Variants in TAOK3 observed in about 807,000 individuals in gnomAD.
TAOK3 encodes the protein serine/threonine-protein kinase TAO3.
In TAOK3, 40 loss-of-function variants were observed where a neutral mutation model predicts 120.4. The ratio of observed to expected loss-of-function variants is 0.33; its 90% confidence interval spans 0.26 to 0.43. The LOEUF (loss-of-function observed/expected upper bound fraction) is 0.43. TAOK3 is among the 20% of genes least tolerant of loss of function. The pLI is 1.00. For synonymous variants in TAOK3, 355 were observed against 387.5 expected (o/e 0.92, Z 0.99); for missense variants, 821 against 1,112.1 (o/e 0.74, Z 3.72).
chr12:118,269,908 C>G (rs971453091), intron 1 of TAOK3, among the ~76,000 whole-genome samples: 3 of 152,238 alleles, frequency 2.0e-5, no homozygotes, highest in Non-Finnish European at 4.4e-5. Context: ...CATTTTACTA[C>G]CCCCACTTCC....
At chr12:118,216,659 T>C (rs2038917083) in intron 9 of TAOK3, among the ~76,000 whole-genome samples, 1 of 152,148 alleles carries the variant, frequency 6.6e-6, no homozygotes, top group South Asian at 2.1e-4. Context: ...CCAGGCACGG[T>C]GGCTCACGCC....
intron 11 of TAOK3, among the ~76,000 whole-genome samples, chr12:118,203,059 C>T (rs541891448): frequency 7.1e-4 from 108 of 152,046 alleles, no homozygotes; most frequent in African/African-American, 2.5e-3. Flanking sequence ...GGATTACAGG[C>T]GTGAGCCACC....
intron 1 of TAOK3, among the ~76,000 whole-genome samples, chr12:118,369,657 G>A (rs2045843015): frequency 6.6e-6 from 1 of 152,028 alleles, no homozygotes; most frequent in African/African-American, 2.4e-5. Context: ...TATATGCATT[G>A]CAAAATGAAT....
At chr12:118,343,557 GGGAACTGTATGGGGT>G (rs2044721974) in intron 1 of TAOK3, among the ~76,000 whole-genome samples, 1 of 152,094 alleles carries the variant, frequency 6.6e-6, no homozygotes. Context: ...GATATGTGCA[GGGAACTGTATGGGGT>G]GCACCTGCAA....
At chr12:118,155,050 C>A (rs1401610579) in intron 19 of TAOK3, among the ~76,000 whole-genome samples, 1 of 151,880 alleles carries the variant, frequency 6.6e-6, no homozygotes, top group African/African-American at 2.4e-5. Flanking sequence ...GGCTAGAGTG[C>A]TGTGGTGTGA....
Position 118,172,629 on chromosome 12 carries a change from T to G in TAOK3, c.1727A>C (p.Lys576Thr). The G allele has an allele frequency of 5.0e-6, 8 of 1,614,232 alleles. No homozygotes were observed. Among genetic ancestry groups the G allele is most frequent in the Non-Finnish European group, 6.8e-6 (8 of 1,180,044 alleles). Residue 576 changes from lysine to threonine, a missense_variant, in exon 17 of 21, where the codon AAA becomes ACA. Physicochemically the swap from Lys to Thr is moderately conservative, Grantham distance 78. Transcript: ENST00000392533. ...EMNEDHSTPK[K>T]EKQERISKHK... ...TTTGGAGATCCGCTCTTGCTTCTCT[T>G]TCTTGGGTGTGCTATGGTCCTCATT...
intron 1 of TAOK3, among the ~76,000 whole-genome samples, chr12:118,343,512 C>T (rs1024032015): frequency 2.6e-5 from 4 of 151,846 alleles, no homozygotes; most frequent in African/African-American, 9.7e-5. Flanking sequence ...ATCAGAATGC[C>T]CAGTAAAACA....
At chr12:118,368,503 AT>A (rs575307243) in intron 1 of TAOK3, among the ~76,000 whole-genome samples, 6 of 137,398 alleles carry the variant, frequency 4.4e-5, no homozygotes, top group Non-Finnish European at 6.3e-5. Flanking sequence ...CGGCCTGGTT[AT>A]TTTTTTTTAA....
intron 11 of TAOK3, among the ~76,000 whole-genome samples, chr12:118,209,939 T>G (rs2038538944): frequency 6.6e-6 from 1 of 152,084 alleles, no homozygotes; most frequent in South Asian, 2.1e-4. Context: ...TAGGTTCAAG[T>G]GATCTGCCTG....
intron 1 of TAOK3, among the ~76,000 whole-genome samples, chr12:118,369,320 C>G (rs1159242341): frequency 6.6e-6 from 1 of 152,198 alleles, no homozygotes; most frequent in Non-Finnish European, 1.5e-5. Flanking sequence ...ACCTACTCTC[C>G]TAACCCCCCA....
chr12:118,339,582 T>C (rs79585827), intron 1 of TAOK3, among the ~76,000 whole-genome samples: 8,324 of 151,600 alleles, frequency 0.055, 469 homozygotes, highest in East Asian at 0.25. Context: ...TTTTTTTTTT[T>C]CGAGACGGGG....
intron 1 of TAOK3, among the ~76,000 whole-genome samples, chr12:118,348,604 C>T (rs1414842439): frequency 6.6e-6 from 1 of 151,974 alleles, no homozygotes; most frequent in Non-Finnish European, 1.5e-5. Flanking sequence ...GTGCCCGCCA[C>T]CACGCCTGGC....
At position 118,152,524 on chromosome 12, in the gene TAOK3, C is replaced by T. The variant is rs191980680; in HGVS notation, c.2353-115G>A. The T allele has an allele frequency of 6.2e-5, 64 of 1,026,520 alleles. No individual in the cohort carries two copies. In the East Asian group the frequency reaches 1.3e-3, roughly 21 times the overall value. The allele number at this position is 1,026,520 out of a possible 1,614,324, so 63.6% of individuals were successfully genotyped here. ...CTCATTTGGATTGAAATTGGTTGCC[C>T]CCTCAAAAACACAGATGCTCTGGGT... On this transcript the variant is annotated intron_variant, in intron 19 of 20. Transcript: ENST00000392533.
chr12:118,368,521 A>AT (rs1269879072), intron 1 of TAOK3, among the ~76,000 whole-genome samples: 33 of 140,520 alleles, frequency 2.3e-4, no homozygotes, highest in African/African-American at 8.1e-4. Context: ...TTAACAGAAA[A>AT]TAGGCCGGGA....
In TAOK3 at chr12:118,308,713, T is replaced by C. The variant is rs949798387; in HGVS notation, c.-193-41954A>G. Among the ~76,000 whole-genome samples the C allele has an allele frequency of 1.1e-4, 17 of 152,124 alleles. No individual in the cohort carries two copies. The East Asian group carries it at 3.1e-3, about 28-fold the overall frequency. On this transcript the variant is annotated intron_variant, in intron 1 of 20. Coordinates refer to ENST00000392533, the MANE Select transcript of TAOK3 (RefSeq NM_016281.4). ...GGGAGGCCGAGGCAGGTGGATTACC[T>C]GAGGTCAGGAGTTTGAGACCAGCCT...
chr12:118,271,654 G>A (rs144516012), intron 1 of TAOK3, among the ~76,000 whole-genome samples: 7 of 152,282 alleles, frequency 4.6e-5, no homozygotes, highest in African/African-American at 9.6e-5. Flanking sequence ...TTTTTAGGCG[G>A]ATATATGTTT....
rs1389652127 is a variant in TAOK3, at chr12:118,152,403, G to A, written c.2359C>T (p.Leu787=). ...CATTCTGCTTCTTGAGCCTCATCTA[G>A]CCGTAACTGCGGACACAGAAGACAC... ...NEMMASQALR[L]DEAQEAECQA... Residue 787 remains leucine (L), a synonymous_variant, in exon 20 of 21, where the codon CTA becomes TTA. Coordinates refer to ENST00000392533, the MANE Select transcript of TAOK3 (RefSeq NM_016281.4). 1 of 1,610,642 alleles carries A rather than the reference G, an allele frequency of 6.2e-7. No individual in the cohort carries two copies. Among genetic ancestry groups the A allele is most frequent in the East Asian group, 2.2e-5 (1 of 44,850 alleles).
chr12:118,323,879 T>C (rs1236755618), intron 1 of TAOK3, among the ~76,000 whole-genome samples: 1 of 152,050 alleles, frequency 6.6e-6, no homozygotes, highest in African/African-American at 2.4e-5. Flanking sequence ...CTGATATATC[T>C]GAACAAATTA....
intron 5 of TAOK3, among the ~76,000 whole-genome samples, chr12:118,241,057 TATAAC>T (rs1236381592): frequency 2.7e-5 from 4 of 149,538 alleles, no homozygotes; most frequent in Non-Finnish European, 5.9e-5. Context: ...TTAAATTAGA[TATAAC>T]ATACTTATAA....
Sources: gnomAD v4.1 joint callset for allele counts (sites outside exome capture counted in the v4.1 genomes callset) on GRCh38, gnomAD v4.1.1 for gene constraint, MANE v1.5 for transcripts, NCBI Gene and HGNC (gene_info 2026-07-23, HGNC 2026-07-21) for gene names.